SUDS3: variants seen among roughly 807,000 people sequenced by gnomAD.
SUDS3 encodes SIN3A corepressor complex component SDS3, also known as sin3 histone deacetylase corepressor complex component SDS3.
SUDS3 carries 23 observed loss-of-function variants against 53.5 expected under a neutral mutation model. The observed-to-expected ratio is 0.43, with a 90% CI of 0.31 to 0.61. The LOEUF (loss-of-function observed/expected upper bound fraction) is 0.61. Ranked by LOEUF, SUDS3 falls within the 20% of genes least tolerant of loss-of-function variation. The pLI is 0.10. For synonymous variants in SUDS3, 150 were observed against 148.5 expected, an observed-to-expected ratio of 1.01 and a Z score of -0.08; for missense variants, 291 against 405.9, an observed-to-expected ratio of 0.72 and a Z score of 2.43.
chr12:118,382,821 C>A (rs928349015), intron 2 of SUDS3, among the ~76,000 whole-genome samples: 1 of 128,472 alleles, frequency 7.8e-6, no homozygotes, highest in Non-Finnish European at 1.6e-5. Context: ...GCGCCCACCA[C>A]CACGTCTGGC....
chr12:118,400,736 A>C lies in SUDS3; in HGVS notation c.595A>C (p.Arg199=). The C allele has an allele frequency of 6.2e-7, 1 of 1,614,018 alleles. No individual in the cohort carries two copies. The highest frequency in any genetic ancestry group is 8.5e-7 in the Non-Finnish European group (1 of 1,179,880). The change falls in exon 7 of 12, where the codon AGG becomes CGG. Residue 199 remains arginine, a synonymous_variant. Transcript: ENST00000543473. ...PNDPVPIPDK[R]RKPAPAQLNY... is the part of the protein sequence containing the mutation. ...TGATCCCGTCCCCATCCCAGACAAG[A>C]GGAGGAAACCTGCTCCAGATATCCA... is the stretch of plus-strand genomic sequence containing the variant.
intron 10 of SUDS3, among the ~76,000 whole-genome samples, chr12:118,407,849 G>A (rs2046321808): frequency 6.6e-6 from 1 of 150,730 alleles, no homozygotes; most frequent in Non-Finnish European, 1.5e-5. Flanking sequence ...CTCCTGAGTA[G>A]CTGGGACTAC....
At position 118,408,050 on chromosome 12, in the gene SUDS3, G is replaced by A. The variant is rs550512124; in HGVS notation, c.804-3023G>A. 2.2e-3 allele frequency among the ~76,000 whole-genome samples: 335 copies of A among 152,142 alleles called. 7 individuals carry two copies. The highest frequency in any genetic ancestry group is 6.8e-3 in the Middle Eastern group (2 of 294). On this transcript the variant is annotated intron_variant, in intron 10 of 11. Transcript: ENST00000543473. ...CAAGTAGCTGGGACTACAGGCACCC[G>A]CCACCACGCCCAGCTAATTTTTGTA... is the stretch of plus-strand genomic sequence containing the variant.
At position 118,414,745 on chromosome 12, in the gene SUDS3, T is replaced by G; in HGVS notation, c.*312T>G. 1 of 222,628 alleles carries G rather than the reference T, an allele frequency of 4.5e-6. No individual in the cohort carries two copies. The highest frequency in any genetic ancestry group is 1.0e-4 in the East Asian group (1 of 9,678). The allele number at this position is 222,628 out of a possible 1,614,324, so 13.8% of individuals were successfully genotyped here. On this transcript the variant is annotated 3_prime_UTR_variant, in exon 12 of 12. Transcript: ENST00000543473. ...TTGCTTATACTTGTTTTTGAAAACC[T>G]CCTCTGAGTTTGAAGGGACAGCTAT...
At position 118,376,652 on chromosome 12, in the gene SUDS3, C is replaced by T. The variant is rs922119747; in HGVS notation, c.-40C>T. 2.8e-6 allele frequency: 4 copies of T among 1,420,590 alleles called. No homozygotes were observed. Among genetic ancestry groups the T allele is most frequent in the Non-Finnish European group, 3.7e-6 (4 of 1,095,282 alleles). 88.0% of individuals were successfully genotyped at this position (1,420,590 alleles called of 1,614,324 possible). A position where few individuals can be genotyped will look rare whatever the true frequency, so the allele number is the denominator to read the frequency against. ...GGCGAGTACCGAGCGCGGGTGGCCG[C>T]GGTGTCCGTGGGCCACGCTCAGCTG... is the stretch of plus-strand genomic sequence containing the variant. On this transcript the variant is annotated 5_prime_UTR_variant, in exon 1 of 12. Transcript: ENST00000543473.
At chr12:118,381,753 G>A (rs2141360635) in intron 2 of SUDS3, among the ~76,000 whole-genome samples, 1 of 149,306 alleles carries the variant, frequency 6.7e-6, no homozygotes, top group African/African-American at 2.4e-5. Context: ...CCTTCTCATT[G>A]TCTTCAGACA....
chr12:118,399,160 A>T (rs2046242070), intron 6 of SUDS3, among the ~76,000 whole-genome samples: 1 of 152,128 alleles, frequency 6.6e-6, no homozygotes, highest in South Asian at 2.1e-4. Flanking sequence ...AAGACCAGAA[A>T]TGAGGCCTGG....
intron 9 of SUDS3, 149 bp downstream of exon 9, chr12:118,402,153 C>G (rs987544143): frequency 1.3e-6 from 1 of 771,116 alleles, no homozygotes. Context: ...CTGAAGGGGA[C>G]CTTAACTATA....
chr12:118,377,129 A>G (rs2046005744), intron 1 of SUDS3, among the ~76,000 whole-genome samples: 1 of 151,984 alleles, frequency 6.6e-6, no homozygotes, highest in Non-Finnish European at 1.5e-5. Context: ...CTCACTCACT[A>G]GTAGGAATTA....
intron 6 of SUDS3, among the ~76,000 whole-genome samples, chr12:118,394,242 G>A (rs2046194239): frequency 6.6e-6 from 1 of 152,184 alleles, no homozygotes; most frequent in South Asian, 2.1e-4. Context: ...TGTGACGTGA[G>A]ATGAGATAAT....
At chr12:118,411,250 G>A in intron 11 of SUDS3, 93 bp downstream of exon 11, 1 of 1,044,552 alleles carries the variant, frequency 9.6e-7, no homozygotes, top group Non-Finnish European at 1.4e-6. Flanking sequence ...CACCAAGGAA[G>A]TACAGTGGAG....
chr12:118,413,470 A>G (rs1461784358), intron 11 of SUDS3, among the ~76,000 whole-genome samples: 3 of 152,172 alleles, frequency 2.0e-5, no homozygotes, highest in African/African-American at 7.2e-5. Flanking sequence ...TCTTCTTTAA[A>G]ATGGGGCCAA....
rs2046394644 is a variant in SUDS3 at position 118,415,723 on chromosome 12, CTT to C, written c.*1293_*1294del. ...AGGAAATCTTTCTTTGTAAGTAATTCTTTTGGTCTCAAGTGATTCTCTTCATG... is the reference window on the plus strand; with the variant it reads ...AGGAAATCTTTCTTTGTAAGTAATTCTTGGTCTCAAGTGATTCTCTTCATG... On this transcript the variant is annotated 3_prime_UTR_variant, in exon 12 of 12. Coordinates refer to ENST00000543473, the MANE Select transcript of SUDS3 (RefSeq NM_022491.3). The C allele has an allele frequency of 6.6e-6, 1 of 152,096 alleles. No homozygotes were observed. Among genetic ancestry groups the C allele is most frequent in the African/African-American group, 2.4e-5 (1 of 41,408 alleles). 9.4% of individuals were successfully genotyped at this position (152,096 alleles called of 1,614,324 possible). A position where few individuals can be genotyped will look rare whatever the true frequency, so the allele number is the denominator to read the frequency against.
chr12:118,408,639 A>G (rs1426022672), intron 10 of SUDS3, among the ~76,000 whole-genome samples: 1 of 151,210 alleles, frequency 6.6e-6, no homozygotes, highest in Non-Finnish European at 1.5e-5. Context: ...CAGCTGTAAC[A>G]TGTGTATGTT....
At chr12:118,412,135 T>G (rs2046364799) in intron 11 of SUDS3, among the ~76,000 whole-genome samples, 1 of 152,206 alleles carries the variant, frequency 6.6e-6, no homozygotes, top group South Asian at 2.1e-4. Context: ...GGTTTTAAAG[T>G]CAGCTCAGAG....
At chr12:118,407,576 G>C (rs1191145607) in intron 10 of SUDS3, among the ~76,000 whole-genome samples, 1 of 152,162 alleles carries the variant, frequency 6.6e-6, no homozygotes, top group East Asian at 1.9e-4. Flanking sequence ...TTGGGTTTGG[G>C]TTCTAAGTAC....
At chr12:118,400,304 A>G (rs1593772838) in intron 6 of SUDS3, among the ~76,000 whole-genome samples, 1 of 152,138 alleles carries the variant, frequency 6.6e-6, no homozygotes, top group Non-Finnish European at 1.5e-5. Context: ...GATGACCTTC[A>G]GGTTCCTTCC....
At chr12:118,413,904 GTATTGAAAGTTTGTATA>G (rs1351361669) in intron 11 of SUDS3, among the ~76,000 whole-genome samples, 1 of 152,096 alleles carries the variant, frequency 6.6e-6, no homozygotes, top group Non-Finnish European at 1.5e-5. Context: ...GGAAACCAAA[GTATTGAAAGTTTGTATA>G]ATATGGAAGT....
intron 1 of SUDS3, among the ~76,000 whole-genome samples, chr12:118,377,681 G>A (rs1421475596): frequency 6.6e-6 from 1 of 152,172 alleles, no homozygotes; most frequent in African/African-American, 2.4e-5. Context: ...CGCTATTTTG[G>A]AGGGATGGAG....
Sources: allele counts gnomAD v4.1 joint callset (sites outside exome capture counted in the v4.1 genomes callset), GRCh38; gene constraint gnomAD v4.1.1; transcripts MANE v1.5; gene names NCBI Gene and HGNC (gene_info 2026-07-23, HGNC 2026-07-21).